Variants in PDE7A observed in about 807,000 individuals in gnomAD.
PDE7A encodes phosphodiesterase 7A.
Under a neutral mutation model 64.3 loss-of-function variants are expected in PDE7A, and 39 were observed. That is an observed-to-expected ratio of 0.61 (90% CI 0.47 to 0.79). The LOEUF (loss-of-function observed/expected upper bound fraction) is 0.79, where lower values mean the gene tolerates loss of function less well. PDE7A is among the 30% of genes least tolerant of loss of function. The pLI is 0.00. For missense variants in PDE7A, 470 were observed against 582.8 expected, an observed-to-expected ratio of 0.81 and a Z score of 1.99; for synonymous variants, 203 against 206.8, an observed-to-expected ratio of 0.98 and a Z score of 0.16.
intron 2 of PDE7A, among the ~76,000 whole-genome samples, chr8:65,782,573 C>T (rs1487704461): frequency 6.6e-6 from 1 of 152,130 alleles, no homozygotes; most frequent in Non-Finnish European, 1.5e-5. Flanking sequence ...AGTTATTAGG[C>T]CAAAGATTTC....
At position 65,782,778 on chromosome 8, in the gene PDE7A, CT is replaced by C; in HGVS notation, c.199+4del. On this transcript the variant is annotated splice_donor_region_variant and intron_variant, in intron 2 of 12. Transcript: ENST00000401827. ...TGATATTGGTATAAAATAAATAATG[CT>C]TACCTAGCATACGAATGTATAATGC... 6.6e-7 allele frequency: 1 copy of C among 1,524,786 alleles called. No individual in the cohort carries two copies. Among genetic ancestry groups the C allele is most frequent in the Non-Finnish European group, 9.0e-7 (1 of 1,105,302 alleles). The allele number at this position is 1,524,786 out of a possible 1,614,324, so 94.5% of individuals were successfully genotyped here.
intron 1 of PDE7A, chr8:65,788,834 T>C (rs1200695021): frequency 1.2e-5 from 16 of 1,283,268 alleles, no homozygotes; most frequent in Non-Finnish European, 1.7e-5. Context: ...CTATCAAATA[T>C]GTAAACTAAT....
intron 1 of PDE7A, among the ~76,000 whole-genome samples, chr8:65,819,662 A>G (rs73693432): frequency 6.6e-6 from 1 of 152,332 alleles, no homozygotes; most frequent in African/African-American, 2.4e-5. Flanking sequence ...AATTACAAAA[A>G]TTATTCCATT....
intron 1 of PDE7A, among the ~76,000 whole-genome samples, chr8:65,810,399 T>C (rs1810231780): frequency 6.6e-6 from 1 of 151,908 alleles, no homozygotes; most frequent in Admixed American, 6.6e-5. Context: ...CTAATGTAAA[T>C]GATGAGTTAA....
chr8:65,751,121 C>A (rs78866638), intron 3 of PDE7A, among the ~76,000 whole-genome samples: 1 of 152,174 alleles, frequency 6.6e-6, no homozygotes, highest in African/African-American at 2.4e-5. Flanking sequence ...GTGTTTTCTT[C>A]ACCTACAGGG....
At chr8:65,828,256 A>G (rs914736230) in intron 1 of PDE7A, among the ~76,000 whole-genome samples, 1 of 152,146 alleles carries the variant, frequency 6.6e-6, no homozygotes, top group Non-Finnish European at 1.5e-5. Flanking sequence ...CCAGATTTGG[A>G]TGTTTTCACA....
rs1277082230 is a variant in PDE7A at position 65,723,576 on chromosome 8, T to C, written c.1208A>G (p.Asp403Gly). ...GTTGGCAATAGATTCAGTGTGACGATCGCAAAGTGGACTCACACCCAAATG... is the reference window on the plus strand; with the variant it reads ...GTTGGCAATAGATTCAGTGTGACGACCGCAAAGTGGACTCACACCCAAATG... Reference protein sequence around the residue: ...KYHLGVSPLCDRHTESIANIQ... With the variant: ...KYHLGVSPLCGRHTESIANIQ... Residue 403 changes from aspartate to glycine, a missense_variant, in exon 12 of 13, where the codon GAT (aspartate) becomes GGT (glycine). Coordinates refer to ENST00000401827, the MANE Select transcript of PDE7A (RefSeq NM_001242318.3). 6.3e-7 allele frequency: 1 copy of C among 1,584,902 alleles called. No individual in the cohort carries two copies. Among genetic ancestry groups the C allele is most frequent in the Non-Finnish European group, 8.6e-7 (1 of 1,167,246 alleles).
At chr8:65,834,893 T>G (rs1184974294) in intron 1 of PDE7A, among the ~76,000 whole-genome samples, 1 of 152,202 alleles carries the variant, frequency 6.6e-6, no homozygotes, top group African/African-American at 2.4e-5. Flanking sequence ...CCTGCAAGTT[T>G]AGAAGGCTCA....
At chr8:65,738,144 T>C (rs1807233291) in intron 6 of PDE7A, among the ~76,000 whole-genome samples, 1 of 145,272 alleles carries the variant, frequency 6.9e-6, no homozygotes, top group Non-Finnish European at 1.5e-5. Context: ...ACAATAGCAT[T>C]ATGTCTTTAA....
Position 65,839,582 on chromosome 8 carries a change from C to T in PDE7A, c.138+1789G>A, listed in dbSNP as rs117188564. Among the ~76,000 whole-genome samples the T allele has an allele frequency of 2.8e-3, 419 of 152,180 alleles. 1 individual carries two copies. The highest frequency in any genetic ancestry group is 4.7e-3 in the Non-Finnish European group (322 of 67,988). On this transcript the variant is annotated intron_variant, in intron 1 of 12. Transcript: ENST00000401827. ...AGGGTTAATTGAGGAAAATTTCTGT[C>T]CAAAGTTTAAGAAGTTCCTGTATAC...
At chr8:65,743,264 G>T (rs2128903974) in intron 5 of PDE7A, among the ~76,000 whole-genome samples, 1 of 152,264 alleles carries the variant, frequency 6.6e-6, no homozygotes, top group East Asian at 1.9e-4. Context: ...AAGAAGGTGG[G>T]CCACTTGATA....
intron 5 of PDE7A, among the ~76,000 whole-genome samples, chr8:65,741,084 G>A (rs1352299323): frequency 1.3e-5 from 2 of 152,054 alleles, no homozygotes; most frequent in African/African-American, 2.4e-5. Flanking sequence ...TCCCTTCCAT[G>A]GTGTAACTCT....
chr8:65,814,654 C>G (rs185314697), intron 1 of PDE7A, among the ~76,000 whole-genome samples: 1 of 151,730 alleles, frequency 6.6e-6, no homozygotes, highest in Non-Finnish European at 1.5e-5. Flanking sequence ...CATTGCTTAA[C>G]TCTGGGGAAT....
At chr8:65,840,683 C>T (rs1811058804) in intron 1 of PDE7A, among the ~76,000 whole-genome samples, 3 of 152,208 alleles carry the variant, frequency 2.0e-5, no homozygotes, top group South Asian at 4.1e-4. Flanking sequence ...AACAGAAATG[C>T]TCAGGAGCAA....
intron 3 of PDE7A, among the ~76,000 whole-genome samples, chr8:65,755,471 T>G (rs1255585927): frequency 6.6e-6 from 1 of 152,242 alleles, no homozygotes; most frequent in South Asian, 2.1e-4. Flanking sequence ...TATAAAGACC[T>G]AGTTTGAATA....
chr8:65,812,073 G>A (rs1810270272), intron 1 of PDE7A, among the ~76,000 whole-genome samples: 1 of 152,154 alleles, frequency 6.6e-6, no homozygotes, highest in African/African-American at 2.4e-5. Flanking sequence ...CCAGGAGAGT[G>A]GCATGTGTCT....
At chr8:65,783,772 C>T (rs183775284) in intron 1 of PDE7A, among the ~76,000 whole-genome samples, 1 of 152,094 alleles carries the variant, frequency 6.6e-6, no homozygotes, top group Non-Finnish European at 1.5e-5. Context: ...AAATAAATGA[C>T]TAAATGGACT....
intron 3 of PDE7A, among the ~76,000 whole-genome samples, chr8:65,774,285 A>T (rs1341994822): frequency 6.6e-6 from 1 of 151,386 alleles, no homozygotes; most frequent in Non-Finnish European, 1.5e-5. Context: ...AATATTTTTA[A>T]AAGATTTTTT....
chr8:65,748,548 G>T (rs1322159467), intron 3 of PDE7A, among the ~76,000 whole-genome samples: 1 of 152,134 alleles, frequency 6.6e-6, no homozygotes, highest in Admixed American at 6.5e-5. Context: ...AATCTGTCTT[G>T]CAGGGAACAT....
Sources: allele counts gnomAD v4.1 joint callset (sites outside exome capture counted in the v4.1 genomes callset), GRCh38; gene constraint gnomAD v4.1.1; transcripts MANE v1.5; gene names NCBI Gene and HGNC (gene_info 2026-07-23, HGNC 2026-07-21).